FAM13A: variants seen among roughly 807,000 people sequenced by gnomAD.
FAM13A encodes the protein protein FAM13A.
In FAM13A, 76 loss-of-function variants were observed where a neutral mutation model predicts 129.6. The ratio of observed to expected loss-of-function variants is 0.59; its 90% CI spans 0.49 to 0.71. The LOEUF (loss-of-function observed/expected upper bound fraction) is 0.71. FAM13A is among the 30% of genes least tolerant of loss of function. The probability of loss-of-function intolerance (pLI) is 0.00; values close to 1 mark genes in which losing one functional copy is unlikely to be tolerated. For synonymous variants in FAM13A, 443 were observed against 449.9 expected (o/e 0.98, Z 0.20); for missense variants, 1,108 against 1,249.3 (o/e 0.89, Z 1.70).
At chr4:88,942,623 C>A (rs1412545666) in intron 4 of FAM13A, among the ~76,000 whole-genome samples, 2 of 150,538 alleles carry the variant, frequency 1.3e-5, no homozygotes. Context: ...TCTAAAATTG[C>A]TTTTAAAGAA....
At position 88,991,060 on chromosome 4, in the gene FAM13A, T is replaced by C. The variant is rs1224174309; in HGVS notation, c.518A>G (p.Gln173Arg). Residue 173 changes from glutamine to arginine, a missense_variant, in exon 4 of 24, where the codon CAG (glutamine) becomes CGG (arginine). Physicochemically the swap from Gln to Arg is conservative, Grantham distance 43. Coordinates refer to ENST00000264344, the MANE Select transcript of FAM13A (RefSeq NM_014883.4). ...THYCLLKYLC[Q>R]FLTKVAKHHV... ...ATGCTTGGCTACTTTTGTCAAGAAC[T>C]GGCAAAGGTACTTGAGGAGGCAGTA... is the stretch of plus-strand genomic sequence containing the variant. 2.5e-6 allele frequency: 4 copies of C among 1,613,938 alleles called. No homozygotes were observed. The highest frequency in any genetic ancestry group is 1.7e-6 in the Non-Finnish European group (2 of 1,179,818).
At chr4:88,764,385 AT>A (rs1271059218) in intron 13 of FAM13A, among the ~76,000 whole-genome samples, 16 of 152,158 alleles carry the variant, frequency 1.1e-4, no homozygotes, top group African/African-American at 3.9e-4. Context: ...GCAGTTAATA[AT>A]TCTTACTTGT....
intron 14 of FAM13A, among the ~76,000 whole-genome samples, chr4:88,757,989 G>A (rs928530129): frequency 1.3e-5 from 2 of 152,172 alleles, no homozygotes; most frequent in African/African-American, 4.8e-5. Flanking sequence ...CGCACATACT[G>A]TATAGAGGTA....
intron 4 of FAM13A, among the ~76,000 whole-genome samples, chr4:88,954,164 C>G (rs1757373113): frequency 6.6e-6 from 1 of 152,172 alleles, no homozygotes; most frequent in Non-Finnish European, 1.5e-5. Flanking sequence ...AATTGGTCTA[C>G]ACATAATATT....
chr4:88,851,380 T>C (rs1737542730), intron 6 of FAM13A, among the ~76,000 whole-genome samples, 197 bp from the exon 7 acceptor site: 2 of 151,346 alleles, frequency 1.3e-5, no homozygotes, highest in Non-Finnish European at 3.0e-5. Flanking sequence ...GAAGGGGAGA[T>C]ACAAATATTT....
At chr4:88,743,609 G>A (rs149990170) in intron 19 of FAM13A, among the ~76,000 whole-genome samples, 33 of 152,228 alleles carry the variant, frequency 2.2e-4, no homozygotes, top group African/African-American at 7.2e-4. Context: ...CTTTAACCGT[G>A]ATGATTTTTG....
At chr4:88,778,360 ACTC>A (rs1037088985) in intron 11 of FAM13A, among the ~76,000 whole-genome samples, 2 of 151,682 alleles carry the variant, frequency 1.3e-5, no homozygotes, top group Non-Finnish European at 2.9e-5. Flanking sequence ...ATCATCTTTG[ACTC>A]CTCTTTTGCT....
chr4:88,815,080 C>T (rs758036474), intron 7 of FAM13A, among the ~76,000 whole-genome samples: 3 of 152,056 alleles, frequency 2.0e-5, no homozygotes, highest in Non-Finnish European at 2.9e-5. Flanking sequence ...TGGTTTCCAG[C>T]GATCCTCCTG....
chr4:88,927,159 T>A (rs1185128080), intron 5 of FAM13A, among the ~76,000 whole-genome samples: 1 of 152,176 alleles, frequency 6.6e-6, no homozygotes. Context: ...GTTCCCCTGA[T>A]AGAGATCTTT....
At chr4:88,983,071 G>A (rs1761835457) in intron 4 of FAM13A, among the ~76,000 whole-genome samples, 1 of 152,126 alleles carries the variant, frequency 6.6e-6, no homozygotes, top group Admixed American at 6.5e-5. Flanking sequence ...AGTGAATCCT[G>A]TGTTACAACT....
chr4:88,737,385 A>G, intron 21 of FAM13A, 87 bp downstream of exon 21: 2 of 1,139,624 alleles, frequency 1.8e-6, no homozygotes, highest in Non-Finnish European at 1.3e-6. Context: ...AGGCCCGATC[A>G]CACCCCCTTT....
chr4:88,820,040 C>A (rs1731581372), intron 7 of FAM13A, among the ~76,000 whole-genome samples: 1 of 152,168 alleles, frequency 6.6e-6, no homozygotes, highest in Non-Finnish European at 1.5e-5. Context: ...AAACAGATAG[C>A]AAGACACATT....
At chr4:88,981,196 G>T (rs549294180) in intron 4 of FAM13A, among the ~76,000 whole-genome samples, 1 of 152,210 alleles carries the variant, frequency 6.6e-6, no homozygotes, top group Admixed American at 6.5e-5. Context: ...TGACCAAAAT[G>T]ACTTACTCAT....
At chr4:88,915,302 G>T (rs754543800) in intron 5 of FAM13A, among the ~76,000 whole-genome samples, 2 of 152,048 alleles carry the variant, frequency 1.3e-5, no homozygotes, top group African/African-American at 2.4e-5. Flanking sequence ...GAAATATAAT[G>T]TTATCTTTAC....
chr4:88,927,279 T>C (rs1291738453), intron 5 of FAM13A, among the ~76,000 whole-genome samples: 4 of 152,068 alleles, frequency 2.6e-5, no homozygotes, highest in East Asian at 3.8e-4. Flanking sequence ...TAATGGTATA[T>C]AGAAATGCTA....
At chr4:88,808,456 G>GT (rs1729017691) in intron 7 of FAM13A, among the ~76,000 whole-genome samples, 1 of 151,970 alleles carries the variant, frequency 6.6e-6, no homozygotes, top group Non-Finnish European at 1.5e-5. Flanking sequence ...ACCTATTTCT[G>GT]TTTTCGTGTC....
chr4:88,903,168 C>A lies in FAM13A; in HGVS notation c.843+3211G>T, dbSNP rs552320151. On this transcript the variant is annotated intron_variant, in intron 6 of 23. Transcript: ENST00000264344. ...AGGAAGAATCAGTATTATGAAAATA[C>A]TCATACTGCTCAAAGTAGTTTATAG... is the stretch of plus-strand genomic sequence containing the variant. Among the ~76,000 whole-genome samples, 17 of 152,236 alleles carry A rather than the reference C, an allele frequency of 1.1e-4. No individual in the cohort carries two copies. The South Asian group carries it at 1.7e-3, about 15-fold the overall frequency.
intron 6 of FAM13A, among the ~76,000 whole-genome samples, chr4:88,875,277 C>T (rs1039813117): frequency 7.9e-5 from 12 of 152,002 alleles, no homozygotes; most frequent in African/African-American, 1.4e-4. Flanking sequence ...CCACAAAAGC[C>T]GAAATAGACA....
At chr4:88,752,711 TA>T in intron 14 of FAM13A, among the ~76,000 whole-genome samples, 1 of 151,622 alleles carries the variant, frequency 6.6e-6, no homozygotes. Flanking sequence ...CATAAAAGAA[TA>T]AAAAATGGAC....
Sources: allele counts gnomAD v4.1 joint callset (sites outside exome capture counted in the v4.1 genomes callset), GRCh38; gene constraint gnomAD v4.1.1; transcripts MANE v1.5; gene names NCBI Gene and HGNC (gene_info 2026-07-23, HGNC 2026-07-21).